The following PRKAR2B variants were observed in gnomAD, a reference collection of about 807,000 sequenced individuals.
PRKAR2B encodes protein kinase cAMP-dependent type II regulatory subunit beta, also known as cAMP-dependent protein kinase type II-beta regulatory subunit.
In PRKAR2B, 14 loss-of-function variants were observed where a neutral mutation model predicts 49.9. That is an observed-to-expected ratio of 0.28 (90% CI 0.19 to 0.44). The LOEUF (loss-of-function observed/expected upper bound fraction) is 0.44. Among genes scored for constraint, PRKAR2B ranks in the 20% least tolerant of loss-of-function variants. PRKAR2B has a pLI of 1.00. For missense variants in PRKAR2B, 393 were observed against 537.9 expected (o/e 0.73, Z 2.67); for synonymous variants, 196 against 197.7 (o/e 0.99, Z 0.07).
At chr7:107,106,303 G>C (rs994167073) in intron 2 of PRKAR2B, among the ~76,000 whole-genome samples, 3 of 152,130 alleles carry the variant, frequency 2.0e-5, no homozygotes, top group African/African-American at 7.2e-5. Context: ...TCTGGATCTG[G>C]AACTGCATCG....
intron 2 of PRKAR2B, among the ~76,000 whole-genome samples, chr7:107,082,965 A>G (rs961800838): frequency 2.0e-5 from 3 of 152,154 alleles, no homozygotes; most frequent in Admixed American, 6.5e-5. Context: ...AGTGTCTTAG[A>G]TGGAGGTTGT....
chr7:107,132,662 G>C (rs184795609), intron 4 of PRKAR2B, among the ~76,000 whole-genome samples: 8 of 152,286 alleles, frequency 5.3e-5, no homozygotes, highest in Admixed American at 4.6e-4. Flanking sequence ...CCAGTGTCTA[G>C]CTGGAGTGAC....
intron 2 of PRKAR2B, among the ~76,000 whole-genome samples, chr7:107,120,870 T>A (rs1178601784): frequency 1.3e-5 from 2 of 151,318 alleles, no homozygotes; most frequent in African/African-American, 4.8e-5. Flanking sequence ...AAAAACTAAT[T>A]TAAGTCAAAA....
At chr7:107,083,601 C>T (rs1049391265) in intron 2 of PRKAR2B, among the ~76,000 whole-genome samples, 7 of 151,854 alleles carry the variant, frequency 4.6e-5, no homozygotes, top group Non-Finnish European at 1.0e-4. Context: ...TGAGTCAAGC[C>T]TAGTTTTTTC....
chr7:107,153,048 C>G, intron 7 of PRKAR2B, 129 bp from the exon 8 acceptor site: 1 of 438,326 alleles, frequency 2.3e-6, no homozygotes, highest in Non-Finnish European at 4.0e-6. Flanking sequence ...ATTAATACAA[C>G]AAACACATAT....
intron 2 of PRKAR2B, chr7:107,091,896 T>C (rs187140127): frequency 2.0e-5 from 3 of 152,308 alleles, no homozygotes; most frequent in African/African-American, 7.2e-5. Flanking sequence ...GTGCGTTCTG[T>C]GTTTCTATGT....
chr7:107,140,735 T>C (rs954692394), intron 4 of PRKAR2B, 112 bp from the exon 5 acceptor site: 17 of 669,694 alleles, frequency 2.5e-5, no homozygotes, highest in Non-Finnish European at 3.9e-5. Flanking sequence ...TTAGTGGTAG[T>C]TATGATTATT....
intron 4 of PRKAR2B, among the ~76,000 whole-genome samples, chr7:107,140,004 C>G (rs923680724): frequency 2.6e-5 from 4 of 152,210 alleles, no homozygotes; most frequent in African/African-American, 9.7e-5. Flanking sequence ...ACAAATAACC[C>G]TCTAAATCTT....
At chr7:107,101,965 A>G (rs1794976135) in intron 2 of PRKAR2B, among the ~76,000 whole-genome samples, 1 of 124,560 alleles carries the variant, frequency 8.0e-6, no homozygotes. Flanking sequence ...ATTCTGCTGT[A>G]TTGTGCTTCT....
chr7:107,044,881 C>T lies in PRKAR2B; in HGVS notation c.-27C>T. The T allele has an allele frequency of 6.4e-7, 1 of 1,565,968 alleles. No individual in the cohort carries two copies. The highest frequency in any genetic ancestry group is 2.0e-4 in the Middle Eastern group (1 of 5,128). ...GCCGGGGAGGGGGCGAGGGCGGCGC[C>T]CAGGCGCCTGCCGCCCCGGAGGCAG... On this transcript the variant is annotated 5_prime_UTR_variant, in exon 1 of 11. Coordinates refer to ENST00000265717, the MANE Select transcript of PRKAR2B (RefSeq NM_002736.3).
chr7:107,154,971 G>A (rs993983923), intron 8 of PRKAR2B, among the ~76,000 whole-genome samples: 25 of 152,186 alleles, frequency 1.6e-4, no homozygotes, highest in African/African-American at 6.0e-4. Context: ...GCTGCTTCCG[G>A]CTCCATCTGG....
At chr7:107,110,238 G>C (rs1043097021) in intron 2 of PRKAR2B, among the ~76,000 whole-genome samples, 3 of 152,150 alleles carry the variant, frequency 2.0e-5, no homozygotes, top group African/African-American at 7.2e-5. Flanking sequence ...CCTAGCTAGA[G>C]GAGAATTGCC....
chr7:107,158,659 A>C (rs571367316), intron 10 of PRKAR2B, among the ~76,000 whole-genome samples: 3 of 152,258 alleles, frequency 2.0e-5, no homozygotes, highest in African/African-American at 7.2e-5. Context: ...TTTCCTTAGA[A>C]ATGGTTTTCA....
intron 6 of PRKAR2B, among the ~76,000 whole-genome samples, chr7:107,148,213 C>T (rs1692362064): frequency 1.3e-5 from 2 of 152,212 alleles, no homozygotes; most frequent in South Asian, 4.1e-4. Flanking sequence ...TCTGCCATGA[C>T]CTGTTTTATT....
At chr7:107,139,747 T>C (rs552397419) in intron 4 of PRKAR2B, among the ~76,000 whole-genome samples, 3 of 152,348 alleles carry the variant, frequency 2.0e-5, no homozygotes, top group African/African-American at 7.2e-5. Context: ...TTCATATGCC[T>C]TGTAACATTT....
In PRKAR2B at chr7:107,146,313, C is replaced by T; in HGVS notation, c.593C>T (p.Thr198Ile). 3.1e-6 allele frequency: 5 copies of T among 1,613,608 alleles called. No individual in the cohort carries two copies. Among genetic ancestry groups the T allele is most frequent in the Non-Finnish European group, 4.2e-6 (5 of 1,179,764 alleles). The change falls in exon 6 of 11, where the codon ACA becomes ATA. Residue 198 changes from threonine (T) to isoleucine (I), a missense_variant. Thr to Ile is a moderately conservative substitution (Grantham distance 89). This residue lies in a region of PRKAR2B where 233 missense variants were observed against 390.4 expected (regional missense o/e 0.60). Transcript: ENST00000265717. ...GDNFYVIDRGTFDIYVKCDGV... is the reference protein window; with the variant it reads ...GDNFYVIDRGIFDIYVKCDGV... ...AATCTACATATGTCCAACAGAGGCA[C>T]ATTTGATATTTATGTGAAATGTGAT...
intron 10 of PRKAR2B, among the ~76,000 whole-genome samples, chr7:107,159,021 A>G (rs1029788968): frequency 6.6e-6 from 1 of 152,222 alleles, no homozygotes; most frequent in Admixed American, 6.5e-5. Context: ...CAAAAGGTTA[A>G]CACTTGGCCT....
At position 107,146,227 on chromosome 7, in the gene PRKAR2B, C is replaced by A; in HGVS notation, c.588-81C>A. 2.9e-6 allele frequency: 4 copies of A among 1,397,034 alleles called. No individual in the cohort carries two copies. In the Admixed American group the frequency reaches 6.2e-5, roughly 22 times the overall value. The allele number at this position is 1,397,034 out of a possible 1,614,324, so 86.5% of individuals were successfully genotyped here. ...CAGGCTGGAAATAAGATTTTTATTT[C>A]ACAGGGCTCTTTTCTGAAATAATGT... On this transcript the variant is annotated intron_variant, in intron 5 of 10. Transcript: ENST00000265717.
chr7:107,044,928 G>C lies in PRKAR2B; in HGVS notation c.21G>C (p.Ala7=), dbSNP rs755331508. The change falls in exon 1 of 11, where the codon GCG becomes GCC. Residue 7 remains alanine (A), a synonymous_variant. Transcript: ENST00000265717. The part of the protein sequence containing the change: MSIEIP[A]GLTELLQGFT... ...GCAGGATGAGCATCGAGATCCCGGCGGGACTGACGGAGCTGCTGCAGGGCT... is the reference window on the plus strand; with the variant it reads ...GCAGGATGAGCATCGAGATCCCGGCCGGACTGACGGAGCTGCTGCAGGGCT... 6.3e-7 allele frequency: 1 copy of C among 1,599,114 alleles called. No homozygotes were observed. The highest frequency in any genetic ancestry group is 8.5e-7 in the Non-Finnish European group (1 of 1,175,142).
Sources: gnomAD v4.1 joint callset for allele counts (sites outside exome capture counted in the v4.1 genomes callset) on GRCh38, gnomAD v4.1.1 for gene constraint, gnomAD v4.1.1 regional missense constraint, MANE v1.5 for transcripts, NCBI Gene and HGNC (gene_info 2026-07-23, HGNC 2026-07-21) for gene names.